Variants in PRKG1 observed in about 807,000 individuals in gnomAD.
The protein encoded by PRKG1 is cGMP-dependent protein kinase 1.
In PRKG1, 35 loss-of-function variants were observed where a neutral mutation model predicts 88.1. The ratio of observed to expected loss-of-function variants is 0.40; its 90% confidence interval spans 0.30 to 0.53. The LOEUF (loss-of-function observed/expected upper bound fraction) is 0.53, where lower values mean the gene tolerates loss of function less well. PRKG1 is among the 20% of genes least tolerant of loss of function. The pLI is 0.59. For synonymous variants in PRKG1, 303 were observed against 292.5 expected (o/e 1.04, Z -0.37); for missense variants, 540 against 839.8 (o/e 0.64, Z 4.41).
intron 2 of PRKG1, among the ~76,000 whole-genome samples, chr10:51,337,488 G>T (rs1036557399): frequency 6.6e-6 from 1 of 152,044 alleles, no homozygotes; most frequent in Admixed American, 6.6e-5. Context: ...TACAGAGTGG[G>T]AGAAAATTTT....
At chr10:51,175,207 A>G (rs764799465) in intron 2 of PRKG1, among the ~76,000 whole-genome samples, 8 of 151,880 alleles carry the variant, frequency 5.3e-5, no homozygotes, top group Non-Finnish European at 8.8e-5. Flanking sequence ...GTCAGTTATT[A>G]TAATGTACAT....
intron 3 of PRKG1, among the ~76,000 whole-genome samples, chr10:51,735,225 C>T (rs965075969): frequency 1.3e-5 from 2 of 152,082 alleles, no homozygotes; most frequent in African/African-American, 2.4e-5. Flanking sequence ...ATGAAGAATA[C>T]TTTCTAGGGT....
At chr10:51,089,771 C>A (rs1844353556) in intron 1 of PRKG1, among the ~76,000 whole-genome samples, 1 of 152,158 alleles carries the variant, frequency 6.6e-6, no homozygotes, top group South Asian at 2.1e-4. Flanking sequence ...GAGGACAGAT[C>A]ATCACTGTTG....
intron 8 of PRKG1, among the ~76,000 whole-genome samples, chr10:52,144,432 C>T (rs1191087168): frequency 1.3e-5 from 2 of 152,144 alleles, no homozygotes; most frequent in Non-Finnish European, 2.9e-5. Context: ...AGATTAATTA[C>T]AATGGGGAGG....
At position 51,015,362 on chromosome 10, in the gene PRKG1, A is replaced by C. The variant is rs528345936; in HGVS notation, c.266+23718A>C. Among the ~76,000 whole-genome samples the C allele has an allele frequency of 6.6e-5, 10 of 152,336 alleles. No homozygotes were observed. In the South Asian group the frequency reaches 2.1e-3, roughly 32 times the overall value. Reference sequence around the variant, plus strand: ...CTGTTTTCTGAGACTGTTGTATATCAAACGTTATTTTCTTGTTACACTATT... The same window carrying C: ...CTGTTTTCTGAGACTGTTGTATATCCAACGTTATTTTCTTGTTACACTATT... On this transcript the variant is annotated intron_variant, in intron 1 of 17. Transcript: ENST00000401604.
At chr10:51,139,141 G>T (rs1341514191) in intron 1 of PRKG1, among the ~76,000 whole-genome samples, 1 of 151,954 alleles carries the variant, frequency 6.6e-6, no homozygotes. Context: ...TTTCTTTCTG[G>T]GTAAGTCTGC....
chr10:51,392,927 T>A (rs1184482100), intron 2 of PRKG1, among the ~76,000 whole-genome samples: 16 of 69,218 alleles, frequency 2.3e-4, no homozygotes, highest in Non-Finnish European at 6.4e-4. Flanking sequence ...CCCACCTCCC[T>A]CCCGGACGGG....
chr10:51,925,445 T>C (rs897744710), intron 5 of PRKG1, among the ~76,000 whole-genome samples: 1 of 152,104 alleles, frequency 6.6e-6, no homozygotes, highest in African/African-American at 2.4e-5. Flanking sequence ...TTCCTGTGTT[T>C]AGGTGTCAGT....
At chr10:51,430,954 A>C (rs1445091683) in intron 2 of PRKG1, among the ~76,000 whole-genome samples, 3 of 152,218 alleles carry the variant, frequency 2.0e-5, no homozygotes, top group South Asian at 2.1e-4. Flanking sequence ...AATTGAATGC[A>C]GTGGGCATGA....
intron 10 of PRKG1, among the ~76,000 whole-genome samples, chr10:52,270,645 T>A (rs1426502111): frequency 7.1e-6 from 1 of 140,642 alleles, no homozygotes; most frequent in Non-Finnish European, 1.5e-5. Context: ...CCGCATGTTC[T>A]CACTCATAGG....
chr10:51,938,608 A>T (rs1412332764), intron 5 of PRKG1, among the ~76,000 whole-genome samples: 2 of 151,906 alleles, frequency 1.3e-5, no homozygotes, highest in Non-Finnish European at 2.9e-5. Flanking sequence ...TGTCATTTTT[A>T]TCCCTTTTCC....
chr10:51,226,535 G>A (rs765698021), intron 2 of PRKG1, among the ~76,000 whole-genome samples: 5 of 152,088 alleles, frequency 3.3e-5, no homozygotes, highest in African/African-American at 9.7e-5. Context: ...ATCAACTGTA[G>A]CAATGTTATT....
intron 3 of PRKG1, among the ~76,000 whole-genome samples, chr10:51,586,027 A>G (rs1414896307): frequency 6.6e-6 from 1 of 152,162 alleles, no homozygotes; most frequent in African/African-American, 2.4e-5. Flanking sequence ...GTTGGGTACT[A>G]TGCTCACTAG....
intron 2 of PRKG1, among the ~76,000 whole-genome samples, chr10:51,251,999 A>G (rs1184187188): frequency 6.6e-6 from 1 of 151,810 alleles, no homozygotes; most frequent in Non-Finnish European, 1.5e-5. Flanking sequence ...TGTTGCAGAT[A>G]ATATGCAGTA....
chr10:51,156,296 A>G (rs566194158), intron 2 of PRKG1, among the ~76,000 whole-genome samples: 25 of 49,080 alleles, frequency 5.1e-4, no homozygotes, highest in Non-Finnish European at 6.9e-4. Context: ...ATTTGATGCA[A>G]GCACACACAC....
intron 1 of PRKG1, among the ~76,000 whole-genome samples, chr10:51,097,857 G>A (rs1415900978): frequency 6.6e-6 from 1 of 152,074 alleles, no homozygotes; most frequent in African/African-American, 2.4e-5. Flanking sequence ...AACTTTCAAT[G>A]CTTTAACTCT....
chr10:52,170,256 A>G (rs1838628026), intron 9 of PRKG1, among the ~76,000 whole-genome samples: 1 of 152,190 alleles, frequency 6.6e-6, no homozygotes, highest in African/African-American at 2.4e-5. Context: ...ATAAAAACCC[A>G]CCTTGTAATG....
At chr10:51,703,502 C>T (rs1204641317) in intron 3 of PRKG1, among the ~76,000 whole-genome samples, 1 of 152,144 alleles carries the variant, frequency 6.6e-6, no homozygotes, top group African/African-American at 2.4e-5. Flanking sequence ...TATAGTAACT[C>T]CTTTACCTTT....
chr10:51,651,708 C>T (rs546262555), intron 3 of PRKG1, among the ~76,000 whole-genome samples: 20 of 151,904 alleles, frequency 1.3e-4, no homozygotes, highest in African/African-American at 4.6e-4. Context: ...CTCAGCCTCC[C>T]GAGTAGCTGG....
Sources: gnomAD v4.1 joint callset for allele counts (sites outside exome capture counted in the v4.1 genomes callset) on GRCh38, gnomAD v4.1.1 for gene constraint, MANE v1.5 for transcripts, NCBI Gene and HGNC (gene_info 2026-07-23, HGNC 2026-07-21) for gene names.